SLC39A14: variants seen among roughly 807,000 people sequenced by gnomAD.
SLC39A14 encodes the protein metal cation symporter ZIP14.
Under a neutral mutation model 45.5 loss-of-function variants are expected in SLC39A14, and 19 were observed. That is an observed-to-expected ratio of 0.42 (90% CI 0.29 to 0.61). The LOEUF is 0.61. Among genes scored for constraint, SLC39A14 ranks in the 20% least tolerant of loss-of-function variants. The pLI is 0.22. For missense variants in SLC39A14, 447 were observed against 616.5 expected (o/e 0.73, Z 2.91); for synonymous variants, 264 against 251.3 (o/e 1.05, Z -0.48).
At chr8:22,396,747 A>C (rs1392002090) in intron 1 of SLC39A14, among the ~76,000 whole-genome samples, 3 of 150,204 alleles carry the variant, frequency 2.0e-5, no homozygotes, top group African/African-American at 4.9e-5. Context: ...TTTTCCTCCT[A>C]CTACTCAACT....
At chr8:22,382,718 G>A (rs1294792578) in intron 1 of SLC39A14, among the ~76,000 whole-genome samples, 3 of 151,996 alleles carry the variant, frequency 2.0e-5, no homozygotes, top group Non-Finnish European at 4.4e-5. Context: ...TGAGGGTTTT[G>A]TTTTGTTCCT....
chr8:22,380,674 G>GTT (rs34669235), intron 1 of SLC39A14, among the ~76,000 whole-genome samples: 41 of 147,688 alleles, frequency 2.8e-4, no homozygotes, highest in Middle Eastern at 7.1e-3. Flanking sequence ...TTCCATTCCT[G>GTT]TTTTTTTTTT....
At chr8:22,411,866 A>G in intron 3 of SLC39A14, 171 bp from the exon 4 acceptor site, 2 of 585,684 alleles carry the variant, frequency 3.4e-6, no homozygotes, top group Non-Finnish European at 6.0e-6. Context: ...CTCCCTCCCT[A>G]CTTGTCTCTC....
intron 1 of SLC39A14, among the ~76,000 whole-genome samples, chr8:22,387,097 C>T (rs140538901): frequency 6.5e-4 from 98 of 150,936 alleles, no homozygotes; most frequent in African/African-American, 2.2e-3. Context: ...CGCTTGGGTC[C>T]GGGAGGTCAA....
In SLC39A14 at chr8:22,417,762, G is replaced by A. The variant is rs748420118; in HGVS notation, c.1259G>A (p.Gly420Asp). 1 of 1,614,092 alleles carries A rather than the reference G, an allele frequency of 6.2e-7. No homozygotes were observed. Among genetic ancestry groups the A allele is most frequent in the Non-Finnish European group, 8.5e-7 (1 of 1,180,026 alleles). Residue 420 changes from glycine to aspartate, a missense_variant, in exon 8 of 9, where the codon GGC (glycine) becomes GAC (aspartate). Physicochemically the swap from Gly to Asp is moderately conservative, Grantham distance 94. This residue lies in a region of SLC39A14 where 105 missense variants were observed against 188.4 expected (regional missense o/e 0.56). Transcript: ENST00000381237. ...GGTCTGGCCTTTGGCATCCTGGCCGGCAGCCACTTCTCTGCCAACTGGATT... is the reference window on the plus strand; with the variant it reads ...GGTCTGGCCTTTGGCATCCTGGCCGACAGCCACTTCTCTGCCAACTGGATT... ...YLGLAFGILA[G>D]SHFSANWIFA...
At chr8:22,377,591 G>C (rs920252665) in intron 1 of SLC39A14, among the ~76,000 whole-genome samples, 1 of 152,116 alleles carries the variant, frequency 6.6e-6, no homozygotes, top group East Asian at 1.9e-4. Context: ...CAAAAAGTTC[G>C]TTTTATTTTA....
At chr8:22,395,501 A>G (rs1481944981) in intron 1 of SLC39A14, among the ~76,000 whole-genome samples, 1 of 152,244 alleles carries the variant, frequency 6.6e-6, no homozygotes, top group Non-Finnish European at 1.5e-5. Flanking sequence ...ATCCTGCTCA[A>G]GGTCATCGCC....
In SLC39A14 at chr8:22,408,435, G is replaced by A. The variant is rs190153898; in HGVS notation, c.396G>A (p.Ser132=). 8.0e-5 allele frequency: 129 copies of A among 1,614,166 alleles called. No homozygotes were observed. The East Asian group carries it at 2.3e-3, about 29-fold the overall frequency. The change falls in exon 3 of 9, where the codon TCG becomes TCA. Residue 132 remains serine (S), a synonymous_variant. Coordinates refer to ENST00000381237, the MANE Select transcript of SLC39A14 (RefSeq NM_001128431.4). Reference sequence around the variant, plus strand: ...AGCTGGATTCCCGGGCCTGCACCTCGGAGAACCAGGAAAACGAGGAGAATG... The same window carrying A: ...AGCTGGATTCCCGGGCCTGCACCTCAGAGAACCAGGAAAACGAGGAGAATG... The part of the protein sequence containing the change: ...LQQLDSRACT[S]ENQENEENEQ...
At chr8:22,395,956 G>C (rs1563531154) in intron 1 of SLC39A14, among the ~76,000 whole-genome samples, 2 of 152,292 alleles carry the variant, frequency 1.3e-5, no homozygotes, top group East Asian at 3.9e-4. Context: ...GTTTTCTGTA[G>C]CCTGAAGGAA....
intron 1 of SLC39A14, among the ~76,000 whole-genome samples, chr8:22,368,524 TTATTTTATTTTATTG>T (rs1423854823): frequency 0.073 from 2,665 of 36,496 alleles, 79 homozygotes; most frequent in East Asian, 0.35. Flanking sequence ...TTATTTTATT[TTATTTTATTTTATTG>T]TATTTTATTT....
At chr8:22,396,600 A>AGAGAGAGAGAGAGAAGGAC (rs1563534591) in intron 1 of SLC39A14, among the ~76,000 whole-genome samples, 1 of 25,168 alleles carries the variant, frequency 4.0e-5, no homozygotes. Context: ...GAGAGAGAGA[A>AGAGAGAGAGAGAGAAGGAC]GACTAAGTGG....
At position 22,415,970 on chromosome 8, in the gene SLC39A14, C is replaced by T; in HGVS notation, c.939+13C>T. The stretch of plus-strand genomic sequence containing the variant: ...GCTCTCTGTGCAGGTCAGTGGGCCA[C>T]CAGCTGCTTGGTGGAGCCTCTAAGA... On this transcript the variant is annotated intron_variant, in intron 6 of 8. Transcript: ENST00000381237. The T allele has an allele frequency of 6.2e-7, 1 of 1,600,182 alleles. No individual in the cohort carries two copies. Among genetic ancestry groups the T allele is most frequent in the Non-Finnish European group, 8.5e-7 (1 of 1,170,564 alleles).
chr8:22,373,550 C>A (rs947233192), intron 1 of SLC39A14, among the ~76,000 whole-genome samples: 1 of 151,988 alleles, frequency 6.6e-6, no homozygotes, highest in African/African-American at 2.4e-5. Context: ...GACACAGGTA[C>A]GTGTCACATT....
rs1836235342 is a variant in SLC39A14 at position 22,421,650 on chromosome 8, C to CA, written c.*1955dup. The CA allele has an allele frequency of 1.4e-5, 14 of 985,718 alleles. No homozygotes were observed. The South Asian group carries it at 6.1e-4, about 43-fold the overall frequency. The allele number at this position is 985,718 out of a possible 1,614,324, so 61.1% of individuals were successfully genotyped here. The stretch of plus-strand genomic sequence containing the variant: ...TTTCAGGAGCTAGCAGAAAATAACT[C>CA]AAAGTTGAAGACTCTGGAAGATTTT... On this transcript the variant is annotated 3_prime_UTR_variant, in exon 9 of 9. Transcript: ENST00000381237.
intron 1 of SLC39A14, among the ~76,000 whole-genome samples, chr8:22,382,242 A>T (rs1208501194): frequency 6.6e-6 from 1 of 152,236 alleles, no homozygotes; most frequent in Non-Finnish European, 1.5e-5. Context: ...TAATCAAAGA[A>T]ATGCAGGTTA....
chr8:22,370,404 G>T (rs1358363871), intron 1 of SLC39A14, among the ~76,000 whole-genome samples: 2 of 152,170 alleles, frequency 1.3e-5, no homozygotes, highest in Admixed American at 6.5e-5. Context: ...ACTATGTCAG[G>T]ATAATAGCCT....
In SLC39A14 at chr8:22,421,486, G is replaced by C. The variant is rs1836224945; in HGVS notation, c.*1788G>C. The stretch of plus-strand genomic sequence containing the variant: ...AGATTCTAGATTAAATATCAGGACT[G>C]ATTTCCTGGTGGGATTATGGTCCAG... On this transcript the variant is annotated 3_prime_UTR_variant, in exon 9 of 9. Coordinates refer to ENST00000381237, the MANE Select transcript of SLC39A14 (RefSeq NM_001128431.4). The C allele has an allele frequency of 7.2e-6, 7 of 967,968 alleles. No homozygotes were observed. The South Asian group carries it at 2.0e-4, about 28-fold the overall frequency. 60.0% of individuals were successfully genotyped at this position (967,968 alleles called of 1,614,324 possible).
rs1586620989 is a variant in SLC39A14, at chr8:22,369,641, A to C, written c.-16+2233A>C. Reference sequence around the variant, plus strand: ...CAGTTCAGAGAGCGGGCATCCTTGAAAGACGGGAATAATTCTGGCCTTTTG... The same window carrying C: ...CAGTTCAGAGAGCGGGCATCCTTGACAGACGGGAATAATTCTGGCCTTTTG... On this transcript the variant is annotated intron_variant, in intron 1 of 8. Transcript: ENST00000381237. Among the ~76,000 whole-genome samples, 3 of 152,322 alleles carry C rather than the reference A, an allele frequency of 2.0e-5. No homozygotes were observed. The South Asian group carries it at 6.2e-4, about 32-fold the overall frequency.
intron 1 of SLC39A14, among the ~76,000 whole-genome samples, chr8:22,392,133 T>G (rs1834110063): frequency 6.6e-6 from 1 of 152,144 alleles, no homozygotes; most frequent in Non-Finnish European, 1.5e-5. Context: ...AGAAAAGTGC[T>G]GGAAAAGTGA....
Sources: allele counts gnomAD v4.1 joint callset (sites outside exome capture counted in the v4.1 genomes callset), GRCh38; gene constraint gnomAD v4.1.1; regional missense constraint gnomAD v4.1.1; transcripts MANE v1.5; gene names NCBI Gene and HGNC (gene_info 2026-07-23, HGNC 2026-07-21).